The following NECTIN1 variants were observed in gnomAD, a reference collection of about 807,000 sequenced individuals.
NECTIN1 encodes the protein nectin-1.
NECTIN1 carries 23 observed loss-of-function variants against 48.0 expected under a neutral mutation model. The observed-to-expected ratio is 0.48, with a 90% CI of 0.34 to 0.68. The LOEUF is 0.68. Ranked by LOEUF, NECTIN1 falls within the 30% of genes least tolerant of loss-of-function variation. The pLI is 0.01. For synonymous variants in NECTIN1, 270 were observed against 288.9 expected (o/e 0.93, Z 0.66); for missense variants, 591 against 709.9 (o/e 0.83, Z 1.90).
At chr11:119,686,491 A>T (rs1156714996) in intron 1 of NECTIN1, among the ~76,000 whole-genome samples, 5 of 152,020 alleles carry the variant, frequency 3.3e-5, no homozygotes, top group African/African-American at 1.2e-4. Flanking sequence ...TGCCAGAGGG[A>T]TCTCTGTAAG....
rs750249499 is a variant in NECTIN1 at position 119,677,064 on chromosome 11, T to C, written c.851+38A>G. On this transcript the variant is annotated intron_variant, in intron 4 of 5. Coordinates refer to ENST00000264025, the MANE Select transcript of NECTIN1 (RefSeq NM_002855.5). This position sits in a 1 kb window ranked among gnomAD's most constrained non-coding sequence, Gnocchi z 5.4. ...CCTCATCACCCGTGGTCCAGTCAGC[T>C]GTCTTCCAAGGTGACTGGTCAGCCC... 1.8e-5 allele frequency: 28 copies of C among 1,572,358 alleles called. No homozygotes were observed. The highest frequency in any genetic ancestry group is 2.5e-5 in the Non-Finnish European group (28 of 1,142,238).
At position 119,671,325 on chromosome 11, in the gene NECTIN1, C is replaced by T. The variant is rs190097484; in HGVS notation, c.1003+3834G>A. ...TTTGTGTTTGCTGGCAGGGGCCCAG[C>T]CAGCCTCCCTCACATCCTCTTACAA... is the stretch of plus-strand genomic sequence containing the variant. On this transcript the variant is annotated intron_variant, in intron 5 of 5. Coordinates refer to ENST00000264025, the MANE Select transcript of NECTIN1 (RefSeq NM_002855.5). Among the ~76,000 whole-genome samples, 289 of 152,148 alleles carry T rather than the reference C, an allele frequency of 1.9e-3. 1 individual carries two copies. Among genetic ancestry groups the T allele is most frequent in the African/African-American group, 6.2e-3 (257 of 41,512 alleles).
intron 1 of NECTIN1, among the ~76,000 whole-genome samples, chr11:119,686,964 G>C (rs1253908717): frequency 2.0e-5 from 3 of 152,188 alleles, no homozygotes; most frequent in Non-Finnish European, 4.4e-5. Flanking sequence ...GTGAGCAGCT[G>C]GGGGCCTGAG....
chr11:119,654,045 G>A (rs1222667751), intron 5 of NECTIN1: 1 of 152,120 alleles, frequency 6.6e-6, no homozygotes, highest in Non-Finnish European at 1.5e-5. Flanking sequence ...TGTCTGCTGT[G>A]GACTGAACTG....
At chr11:119,711,389 CAAA>C (rs35938500) in intron 1 of NECTIN1, among the ~76,000 whole-genome samples, 3 of 119,956 alleles carry the variant, frequency 2.5e-5, no homozygotes, top group Non-Finnish European at 3.7e-5. Flanking sequence ...GACTCTGTTT[CAAA>C]AAAAAAAAAA....
intron 4 of NECTIN1, chr11:119,675,581 C>T: frequency 2.6e-6 from 1 of 391,676 alleles, no homozygotes; most frequent in Non-Finnish European, 4.7e-6. Flanking sequence ...GGTTCAAGGC[C>T]AGGGAACCAC....
chr11:119,667,104 G>A (rs1864785138), intron 5 of NECTIN1, among the ~76,000 whole-genome samples: 1 of 152,062 alleles, frequency 6.6e-6, no homozygotes, highest in Non-Finnish European at 1.5e-5. Flanking sequence ...TGTCCTGACC[G>A]CCTGTCTCCG....
chr11:119,638,802 C>A, exon 7 of NECTIN1: 1 of 1,613,590 alleles, frequency 6.2e-7, no homozygotes, highest in East Asian at 2.2e-5. Flanking sequence ...AGGGGCTGGT[C>A]GGTCCTGGAG....
intron 5 of NECTIN1, among the ~76,000 whole-genome samples, chr11:119,667,544 G>A (rs975951908): frequency 5.9e-5 from 9 of 152,206 alleles, no homozygotes; most frequent in African/African-American, 2.2e-4. Context: ...CTTCTTGGAG[G>A]AGGCCGGACT....
intron 1 of NECTIN1, among the ~76,000 whole-genome samples, chr11:119,721,001 C>T (rs2134345101): frequency 6.6e-6 from 1 of 152,290 alleles, no homozygotes; most frequent in East Asian, 1.9e-4. Flanking sequence ...TCCCCAACTC[C>T]CTACATTTGC....
At position 119,662,429 on chromosome 11, in the gene NECTIN1, G is replaced by T; in HGVS notation, c.*2318C>A. 1 of 985,788 alleles carries T rather than the reference G, an allele frequency of 1.0e-6. No individual in the cohort carries two copies. The highest frequency in any genetic ancestry group is 1.2e-6 in the Non-Finnish European group (1 of 829,950). 61.1% of individuals were successfully genotyped at this position (985,788 alleles called of 1,614,324 possible). On this transcript the variant is annotated 3_prime_UTR_variant, in exon 6 of 6. Transcript: ENST00000264025. The surrounding 1 kb of genome is among the most constrained non-coding windows in gnomAD (Gnocchi z 5.3). Reference sequence around the variant, plus strand: ...GTCAGGAGCCTCCTACGTGGCCCATGCTACATGGACCCCAAAATTTGTGCT... The same window carrying T: ...GTCAGGAGCCTCCTACGTGGCCCATTCTACATGGACCCCAAAATTTGTGCT...
intron 5 of NECTIN1, 53 bp downstream of exon 5, chr11:119,675,106 G>C (rs1591455953): frequency 6.2e-7 from 1 of 1,604,538 alleles, no homozygotes; most frequent in East Asian, 2.2e-5. Context: ...AGGGATGCAG[G>C]TGGCGAAGGA....
intron 1 of NECTIN1, among the ~76,000 whole-genome samples, chr11:119,702,571 G>T (rs991189817): frequency 2.9e-5 from 4 of 139,244 alleles, no homozygotes; most frequent in African/African-American, 8.2e-5. Flanking sequence ...CTCACCAGGG[G>T]CATTTGCTGA....
intron 1 of NECTIN1, among the ~76,000 whole-genome samples, chr11:119,705,958 G>A (rs1297467450): frequency 2.0e-5 from 3 of 148,078 alleles, no homozygotes; most frequent in East Asian, 3.8e-4. Flanking sequence ...AGAGGGAGGC[G>A]GGGAGGGGCG....
chr11:119,693,100 G>A (rs564669028), intron 1 of NECTIN1, among the ~76,000 whole-genome samples: 2 of 152,328 alleles, frequency 1.3e-5, no homozygotes, highest in East Asian at 3.9e-4. Context: ...CCCAGCACAA[G>A]GATATGACTG....
intron 5 of NECTIN1, chr11:119,674,232 T>C: frequency 1.1e-6 from 1 of 874,302 alleles, no homozygotes; most frequent in Non-Finnish European, 1.5e-6. Context: ...GGGACACCAC[T>C]TCCTTTTTTA....
intron 1 of NECTIN1, among the ~76,000 whole-genome samples, chr11:119,726,316 C>G (rs1436416256): frequency 6.6e-6 from 1 of 152,146 alleles, no homozygotes; most frequent in Admixed American, 6.5e-5. Flanking sequence ...AAGTGTCAGA[C>G]TGGGCACAAC....
chr11:119,670,117 C>T (rs183759431), intron 5 of NECTIN1, among the ~76,000 whole-genome samples: 4 of 152,196 alleles, frequency 2.6e-5, no homozygotes, highest in African/African-American at 9.6e-5. Flanking sequence ...TGCCACCACA[C>T]CCGGCTAATT....
rs537556319 is a variant in NECTIN1, at chr11:119,677,500, G to A, written c.733+55C>T. ...AGGGAGGAGAAAGGAGAGGAGGAGG[G>A]AGGAGGGACAGTGGCGCCCACCCCA... On this transcript the variant is annotated intron_variant, in intron 3 of 5. Coordinates refer to ENST00000264025, the MANE Select transcript of NECTIN1 (RefSeq NM_002855.5). The surrounding 1 kb of genome is among the most constrained non-coding windows in gnomAD (Gnocchi z 5.4). 62 of 1,568,740 alleles carry A rather than the reference G, an allele frequency of 4.0e-5. No homozygotes were observed. In the South Asian group the frequency reaches 4.4e-4, roughly 11 times the overall value.
Sources: gnomAD v4.1 joint callset for allele counts (sites outside exome capture counted in the v4.1 genomes callset) on GRCh38, gnomAD v4.1.1 for gene constraint, Gnocchi (gnomAD v3.1) non-coding constraint, MANE v1.5 for transcripts, NCBI Gene and HGNC (gene_info 2026-07-23, HGNC 2026-07-21) for gene names.